RPS6KA2: variants seen among roughly 807,000 people sequenced by gnomAD.
RPS6KA2 encodes ribosomal protein S6 kinase alpha-2.
RPS6KA2 carries 42 observed loss-of-function variants against 91.8 expected under a neutral mutation model. The ratio of observed to expected loss-of-function variants is 0.46; its 90% CI spans 0.36 to 0.59. RPS6KA2 has a LOEUF of 0.59. Among genes scored for constraint, RPS6KA2 ranks in the 20% least tolerant of loss-of-function variants. The probability of loss-of-function intolerance (pLI) is 0.00; values close to 1 mark genes in which losing one functional copy is unlikely to be tolerated. For missense variants in RPS6KA2, 798 were observed against 978.5 expected (o/e 0.82, Z 2.46); for synonymous variants, 414 against 393.6 (o/e 1.05, Z -0.61).
intron 2 of RPS6KA2, among the ~76,000 whole-genome samples, chr6:166,697,019 A>G (rs1006646528): frequency 5.3e-5 from 8 of 152,126 alleles, no homozygotes; most frequent in African/African-American, 1.7e-4. Context: ...TAGTTGTACG[A>G]ACCAATTCCT....
rs1788328574 is a variant in RPS6KA2, at chr6:166,666,764, T to C, written c.124-127980A>G. Among the ~76,000 whole-genome samples the C allele has an allele frequency of 6.6e-6, 1 of 152,212 alleles. No individual in the cohort carries two copies. The highest frequency in any genetic ancestry group is 1.5e-5 in the Non-Finnish European group (1 of 68,040). On this transcript the variant is annotated intron_variant, in intron 2 of 21. Coordinates refer to the RPS6KA2 transcript ENST00000503859. This position sits in a 1 kb window ranked among gnomAD's most constrained non-coding sequence, Gnocchi z 4.0. Reference sequence around the variant, plus strand: ...CATATAATTTAGCAACTTTCACTTCTGAGTATATACCCAAAAAGAATGGAA... The same window carrying C: ...CATATAATTTAGCAACTTTCACTTCCGAGTATATACCCAAAAAGAATGGAA...
At chr6:166,769,499 T>C (rs1240616110) in intron 2 of RPS6KA2, among the ~76,000 whole-genome samples, 1 of 152,188 alleles carries the variant, frequency 6.6e-6, no homozygotes, top group Non-Finnish European at 1.5e-5. Context: ...GGCATTTGCT[T>C]AACCCCTTAA....
At chr6:166,520,777 G>GAATA (rs1275760461) in intron 3 of RPS6KA2, among the ~76,000 whole-genome samples, 6 of 152,148 alleles carry the variant, frequency 3.9e-5, no homozygotes, top group Middle Eastern at 6.3e-3. Flanking sequence ...TCTTCTTAGG[G>GAATA]AATAACTAAG....
chr6:166,664,759 T>G (rs1384865374), intron 2 of RPS6KA2, among the ~76,000 whole-genome samples: 1 of 152,190 alleles, frequency 6.6e-6, no homozygotes, highest in Non-Finnish European at 1.5e-5. Context: ...AATATTCTAT[T>G]AAGTGGTATT....
At chr6:166,621,405 G>C (rs997446521) in intron 1 of RPS6KA2, among the ~76,000 whole-genome samples, 1 of 152,156 alleles carries the variant, frequency 6.6e-6, no homozygotes, top group African/African-American at 2.4e-5. Flanking sequence ...AGTCAGATGT[G>C]ATTAACAGTA....
At chr6:166,797,700 C>T (rs1313026966) in intron 2 of RPS6KA2, among the ~76,000 whole-genome samples, 1 of 151,754 alleles carries the variant, frequency 6.6e-6, no homozygotes, top group South Asian at 2.1e-4. Flanking sequence ...CTCGGGGTGG[C>T]AGAGGTGGGA....
intron 5 of RPS6KA2, among the ~76,000 whole-genome samples, chr6:166,507,912 A>G (rs1051776784): frequency 2.3e-5 from 3 of 129,904 alleles, no homozygotes; most frequent in African/African-American, 9.1e-5. Context: ...AAACACATAC[A>G]CACCCCACAC....
chr6:166,591,324 T>C (rs558342554), intron 1 of RPS6KA2, among the ~76,000 whole-genome samples: 17 of 152,276 alleles, frequency 1.1e-4, no homozygotes, highest in African/African-American at 3.4e-4. Flanking sequence ...CCAGTCACAG[T>C]GTGGCTGCTT....
chr6:166,833,202 C>CA (rs1780230497), intron 2 of RPS6KA2, among the ~76,000 whole-genome samples: 1 of 152,220 alleles, frequency 6.6e-6, no homozygotes, highest in Middle Eastern at 3.2e-3. Flanking sequence ...GAAATAGACT[C>CA]ACAGCCAGGT....
At position 166,648,291 on chromosome 6, in the gene RPS6KA2, GCA is replaced by G. The variant is rs922081546; in HGVS notation, c.124-109509_124-109508del. 1.8e-4 allele frequency among the ~76,000 whole-genome samples: 27 copies of G among 151,276 alleles called. No individual in the cohort carries two copies. The highest frequency in any genetic ancestry group is 4.6e-4 in the African/African-American group (19 of 41,190). The stretch of plus-strand genomic sequence containing the variant: ...TCATACACACGCATGCACACAGTAT[GCA>G]CACACACGCATGTATACACATGCAC... On this transcript the variant is annotated intron_variant, in intron 2 of 21. Transcript: ENST00000503859. The surrounding 1 kb of genome is among the most constrained non-coding windows in gnomAD (Gnocchi z 4.8).
At chr6:166,709,306 C>T (rs1237331386) in intron 2 of RPS6KA2, among the ~76,000 whole-genome samples, 1 of 150,446 alleles carries the variant, frequency 6.6e-6, no homozygotes, top group African/African-American at 2.5e-5. Flanking sequence ...GAAATAAAGA[C>T]ACAACATATC....
intron 2 of RPS6KA2, among the ~76,000 whole-genome samples, chr6:166,746,252 C>T (rs903173193): frequency 6.6e-6 from 1 of 152,200 alleles, no homozygotes; most frequent in African/African-American, 2.4e-5. Flanking sequence ...TCCTGCACCC[C>T]TGCACCTACC....
Position 166,481,742 on chromosome 6 carries a change from C to T in RPS6KA2, c.907+7091G>A, listed in dbSNP as rs142633474. ...GATAAGATGGTAGACTGTACGTATA[C>T]CTCTCTGATCAATCTTAAAGTATGT... On this transcript the variant is annotated intron_variant, in intron 10 of 20. Transcript: ENST00000265678. Among the ~76,000 whole-genome samples, 415 of 149,352 alleles carry T rather than the reference C, an allele frequency of 2.8e-3. 2 individuals carry two copies. The highest frequency in any genetic ancestry group is 5.0e-3 in the Non-Finnish European group (335 of 67,368).
intron 1 of RPS6KA2, among the ~76,000 whole-genome samples, chr6:166,543,961 G>C (rs1200408507): frequency 6.6e-6 from 1 of 152,250 alleles, no homozygotes; most frequent in Non-Finnish European, 1.5e-5. Context: ...CAAGAGGTCT[G>C]CCTGGGGCCA....
At chr6:166,643,461 T>C (rs1787511676) in intron 2 of RPS6KA2, among the ~76,000 whole-genome samples, 1 of 152,208 alleles carries the variant, frequency 6.6e-6, no homozygotes, top group Admixed American at 6.5e-5. Flanking sequence ...CATTCATAGA[T>C]ATAGAAAAAG....
chr6:166,502,036 G>A (rs1288567305), intron 6 of RPS6KA2, among the ~76,000 whole-genome samples: 2 of 152,248 alleles, frequency 1.3e-5, no homozygotes, highest in African/African-American at 4.8e-5. Context: ...TCACAGAGAT[G>A]GAAAGTGGAT....
chr6:166,465,001 AAT>A (rs1403276610), intron 11 of RPS6KA2, among the ~76,000 whole-genome samples: 146 of 151,606 alleles, frequency 9.6e-4, no homozygotes, highest in African/African-American at 3.4e-3. Flanking sequence ...AAAATAAATA[AAT>A]AAATAAATAA....
intron 2 of RPS6KA2, among the ~76,000 whole-genome samples, chr6:166,805,239 C>A (rs1305587173): frequency 6.6e-6 from 1 of 152,200 alleles, no homozygotes; most frequent in African/African-American, 2.4e-5. Context: ...GTTCCTTTCG[C>A]AACCTGCAGG....
chr6:166,823,570 G>A (rs1439279341), intron 2 of RPS6KA2, among the ~76,000 whole-genome samples: 2 of 152,038 alleles, frequency 1.3e-5, no homozygotes, highest in Non-Finnish European at 2.9e-5. Flanking sequence ...GTGGATGTGG[G>A]CTTAGGGGAA....
Sources: gnomAD v4.1 joint callset for allele counts (sites outside exome capture counted in the v4.1 genomes callset) on GRCh38, gnomAD v4.1.1 for gene constraint, Gnocchi (gnomAD v3.1) non-coding constraint, MANE v1.5 for transcripts, NCBI Gene and HGNC (gene_info 2026-07-23, HGNC 2026-07-21) for gene names.